Variants in CSMD1 observed in about 807,000 individuals in gnomAD.
The protein encoded by CSMD1 is CUB and Sushi multiple domains 1.
Under a neutral mutation model 417.5 loss-of-function variants are expected in CSMD1, and 213 were observed. The ratio of observed to expected loss-of-function variants is 0.51; its 90% CI spans 0.46 to 0.57. CSMD1 has a LOEUF of 0.57. CSMD1 is among the 20% of genes least tolerant of loss of function. CSMD1 has a pLI of 0.00. For missense variants in CSMD1, 6,923 were observed against 4,529.7 expected (o/e 1.53, Z -15.17); for synonymous variants, 2,862 against 1,736.8 (o/e 1.65, Z -16.11).
At chr8:4,725,245 A>G (rs1215913181) in intron 1 of CSMD1, among the ~76,000 whole-genome samples, 1 of 152,180 alleles carries the variant, frequency 6.6e-6, no homozygotes, top group African/African-American at 2.4e-5. Context: ...TATCACGAGC[A>G]AAGTATCGAA....
chr8:4,157,880 C>T (rs1475885052), intron 3 of CSMD1, among the ~76,000 whole-genome samples: 1 of 152,112 alleles, frequency 6.6e-6, no homozygotes, highest in Non-Finnish European at 1.5e-5. Flanking sequence ...TCCTATCCTC[C>T]CCACAGGACA....
chr8:3,404,051 CT>C (rs1329319474), intron 15 of CSMD1, among the ~76,000 whole-genome samples: 2 of 152,170 alleles, frequency 1.3e-5, no homozygotes, highest in Non-Finnish European at 2.9e-5. Flanking sequence ...GAATACCCTC[CT>C]TTACGTGTAG....
At chr8:4,050,735 A>G (rs1297152658) in intron 3 of CSMD1, among the ~76,000 whole-genome samples, 1 of 152,150 alleles carries the variant, frequency 6.6e-6, no homozygotes, top group Non-Finnish European at 1.5e-5. Flanking sequence ...TAAATGAATT[A>G]AGTCACTAAA....
chr8:4,535,635 T>G (rs921317575), intron 2 of CSMD1, among the ~76,000 whole-genome samples: 3 of 152,138 alleles, frequency 2.0e-5, no homozygotes, highest in African/African-American at 7.2e-5. Flanking sequence ...TCCAAATCAT[T>G]CTGTTCATGA....
chr8:4,097,552 C>G (rs1051003637), intron 3 of CSMD1, among the ~76,000 whole-genome samples: 1 of 152,124 alleles, frequency 6.6e-6, no homozygotes, highest in African/African-American at 2.4e-5. Flanking sequence ...GACAGAAAGT[C>G]AGAGGACTAC....
chr8:3,624,403 A>G (rs1382606340), intron 7 of CSMD1, among the ~76,000 whole-genome samples: 2 of 152,224 alleles, frequency 1.3e-5, no homozygotes, highest in African/African-American at 4.8e-5. Context: ...ACGTTGATTT[A>G]TATTTGGAAT....
intron 2 of CSMD1, among the ~76,000 whole-genome samples, chr8:4,504,463 A>G (rs139806165): frequency 1.3e-5 from 2 of 152,170 alleles, no homozygotes; most frequent in Non-Finnish European, 2.9e-5. Context: ...AAGAAAGTAG[A>G]TCTCATGTGA....
intron 1 of CSMD1, among the ~76,000 whole-genome samples, chr8:4,906,480 C>G (rs1167800890): frequency 1.4e-5 from 2 of 147,584 alleles, no homozygotes; most frequent in Non-Finnish European, 3.0e-5. Context: ...AGGAATACAT[C>G]CTCTTACATG....
chr8:4,426,145 C>T (rs890177962), intron 2 of CSMD1, among the ~76,000 whole-genome samples: 1 of 151,228 alleles, frequency 6.6e-6, no homozygotes, highest in African/African-American at 2.4e-5. Flanking sequence ...CATTAATTTC[C>T]AGACAGCATA....
chr8:3,969,246 T>C (rs1005603387), intron 5 of CSMD1, among the ~76,000 whole-genome samples: 7 of 152,190 alleles, frequency 4.6e-5, no homozygotes, highest in African/African-American at 1.7e-4. Flanking sequence ...TGAGACTCTG[T>C]CTCGATAAAT....
intron 3 of CSMD1, among the ~76,000 whole-genome samples, chr8:4,396,386 G>A (rs1197542665): frequency 1.3e-5 from 2 of 152,132 alleles, no homozygotes; most frequent in South Asian, 4.2e-4. Context: ...AGGATTGCTT[G>A]AGCCTGGGAG....
Position 3,308,450 on chromosome 8 carries a change from T to A in CSMD1, c.3685A>T (p.Ile1229Phe), listed in dbSNP as rs775724203. 1.9e-5 allele frequency: 31 copies of A among 1,613,638 alleles called. No homozygotes were observed. The highest frequency in any genetic ancestry group is 2.6e-5 in the Non-Finnish European group (31 of 1,179,798). Residue 1229 changes from isoleucine to phenylalanine, a missense_variant, in exon 24 of 70, where the codon ATC (isoleucine) becomes TTC (phenylalanine). Transcript: ENST00000635120. ...TCGGTAAAGTGGCCTTCATCACGGATCCTATAGCCGTAGTTAGGGATGCCC... is the reference window on the plus strand; with the variant it reads ...TCGGTAAAGTGGCCTTCATCACGGAACCTATAGCCGTAGTTAGGGATGCCC... ...DPGIPNYGYR[I>F]RDEGHFTDTV...
intron 3 of CSMD1, among the ~76,000 whole-genome samples, chr8:4,188,760 G>A (rs28534386): frequency 0.028 from 4,196 of 151,768 alleles, 188 homozygotes; most frequent in African/African-American, 0.094. Context: ...AAGATACACA[G>A]ATTTTTAGTA....
chr8:3,705,550 C>A (rs1326412330), intron 7 of CSMD1, among the ~76,000 whole-genome samples: 1 of 152,142 alleles, frequency 6.6e-6, no homozygotes, highest in Non-Finnish European at 1.5e-5. Context: ...AAAGAACGAT[C>A]ATAAACAAAC....
intron 1 of CSMD1, among the ~76,000 whole-genome samples, chr8:4,944,220 G>A (rs1446751512): frequency 6.6e-6 from 1 of 152,146 alleles, no homozygotes. Context: ...AATAATTAAA[G>A]ACCAAAAGAT....
At chr8:4,977,458 C>T (rs1259979440) in intron 1 of CSMD1, among the ~76,000 whole-genome samples, 2 of 152,264 alleles carry the variant, frequency 1.3e-5, no homozygotes, top group East Asian at 1.9e-4. Flanking sequence ...GACTCATGCA[C>T]ATTGGGAAAG....
intron 12 of CSMD1, among the ~76,000 whole-genome samples, chr8:3,445,564 A>G (rs1815248393): frequency 6.6e-6 from 1 of 152,198 alleles, no homozygotes; most frequent in African/African-American, 2.4e-5. Flanking sequence ...ACTTCTTATG[A>G]AAGTGCGGAT....
At chr8:3,899,176 G>T (rs545078541) in intron 5 of CSMD1, among the ~76,000 whole-genome samples, 2 of 152,128 alleles carry the variant, frequency 1.3e-5, no homozygotes, top group Non-Finnish European at 2.9e-5. Flanking sequence ...AGGTGCTTAC[G>T]GCCTAGGACA....
At chr8:4,746,585 T>A (rs1189668927) in intron 1 of CSMD1, among the ~76,000 whole-genome samples, 1 of 152,198 alleles carries the variant, frequency 6.6e-6, no homozygotes, top group African/African-American at 2.4e-5. Flanking sequence ...ATGTGATCTA[T>A]TCTAGCGAGC....
Sources: gnomAD v4.1 joint callset for allele counts (sites outside exome capture counted in the v4.1 genomes callset) on GRCh38, gnomAD v4.1.1 for gene constraint, MANE v1.5 for transcripts, NCBI Gene and HGNC (gene_info 2026-07-23, HGNC 2026-07-21) for gene names.